DYNC1I1: variants seen among roughly 807,000 people sequenced by gnomAD.
DYNC1I1 encodes cytoplasmic dynein 1 intermediate chain 1.
Under a neutral mutation model 86.6 loss-of-function variants are expected in DYNC1I1, and 43 were observed. The ratio of observed to expected loss-of-function variants is 0.50; its 90% CI spans 0.39 to 0.64. The LOEUF (loss-of-function observed/expected upper bound fraction) is 0.64, where lower values mean the gene tolerates loss of function less well. DYNC1I1 is among the 30% of genes least tolerant of loss of function. The pLI, the probability that DYNC1I1 is intolerant of heterozygous loss-of-function variation, is 0.00. For missense variants in DYNC1I1, 604 were observed against 788.8 expected, an observed-to-expected ratio of 0.77 and a Z score of 2.81; for synonymous variants, 262 against 283.7, an observed-to-expected ratio of 0.92 and a Z score of 0.77.
At chr7:95,928,935 T>C (rs917093421) in intron 6 of DYNC1I1, among the ~76,000 whole-genome samples, 1 of 152,160 alleles carries the variant, frequency 6.6e-6, no homozygotes, top group African/African-American at 2.4e-5. Context: ...CCTGGCTTCT[T>C]TCCTTTCTCC....
At chr7:96,039,494 G>A in intron 14 of DYNC1I1, 73 bp downstream of exon 14, 5 of 1,597,932 alleles carry the variant, frequency 3.1e-6, no homozygotes, top group Non-Finnish European at 4.3e-6. Context: ...CCTGGAAACA[G>A]TTGTCCCTAA....
At chr7:95,875,036 T>C (rs918562369) in intron 6 of DYNC1I1, among the ~76,000 whole-genome samples, 7 of 152,174 alleles carry the variant, frequency 4.6e-5, no homozygotes, top group African/African-American at 1.7e-4. Context: ...TCTCTCTGCC[T>C]CTTGACAGTG....
At chr7:96,040,103 A>G (rs2116041704) in intron 14 of DYNC1I1, among the ~76,000 whole-genome samples, 1 of 152,056 alleles carries the variant, frequency 6.6e-6, no homozygotes, top group East Asian at 1.9e-4. Context: ...ATATGGTGGT[A>G]CATGCCTGTA....
chr7:95,836,484 C>A (rs978948867), intron 5 of DYNC1I1, among the ~76,000 whole-genome samples: 3 of 151,566 alleles, frequency 2.0e-5, no homozygotes, highest in Admixed American at 2.0e-4. Flanking sequence ...TTGTGGCGTT[C>A]TTTGTATTTC....
At chr7:95,872,323 A>T (rs1275672461) in intron 6 of DYNC1I1, among the ~76,000 whole-genome samples, 4 of 152,174 alleles carry the variant, frequency 2.6e-5, no homozygotes, top group African/African-American at 9.7e-5. Context: ...TATAACATCC[A>T]CTTTGGCTTG....
chr7:95,981,151 T>TA (rs775551015), intron 7 of DYNC1I1, among the ~76,000 whole-genome samples: 28 of 152,146 alleles, frequency 1.8e-4, no homozygotes, highest in East Asian at 1.7e-3. Context: ...AATGAGATAC[T>TA]AAAAAACTCA....
At chr7:95,780,631 A>C (rs1314916896) in intron 1 of DYNC1I1, among the ~76,000 whole-genome samples, 1 of 152,024 alleles carries the variant, frequency 6.6e-6, no homozygotes, top group Non-Finnish European at 1.5e-5. Flanking sequence ...CTGAAATAGT[A>C]CCCATTTCTT....
chr7:96,092,093 A>G (rs1465697503), intron 16 of DYNC1I1, among the ~76,000 whole-genome samples: 1 of 152,214 alleles, frequency 6.6e-6, no homozygotes, highest in Non-Finnish European at 1.5e-5. Context: ...CCCGTTCATG[A>G]AAGTTAGCTA....
intron 6 of DYNC1I1, among the ~76,000 whole-genome samples, chr7:95,877,167 G>GC (rs2116203808): frequency 6.6e-6 from 1 of 152,234 alleles, no homozygotes; most frequent in Non-Finnish European, 1.5e-5. Flanking sequence ...CAAGACATTA[G>GC]CATTTCTCAT....
chr7:95,993,657 G>A (rs1312174392), intron 9 of DYNC1I1, among the ~76,000 whole-genome samples: 3 of 152,142 alleles, frequency 2.0e-5, no homozygotes, highest in Non-Finnish European at 4.4e-5. Context: ...CCACATACAT[G>A]TGTGTCACTG....
At chr7:96,073,361 A>T (rs1225308662) in intron 14 of DYNC1I1, among the ~76,000 whole-genome samples, 1 of 152,216 alleles carries the variant, frequency 6.6e-6, no homozygotes, top group Non-Finnish European at 1.5e-5. Context: ...TTATTTCCAG[A>T]TACTTAAAAT....
At chr7:95,973,706 G>A (rs547656344) in intron 6 of DYNC1I1, among the ~76,000 whole-genome samples, 16 of 152,180 alleles carry the variant, frequency 1.1e-4, no homozygotes, top group Middle Eastern at 6.8e-3. Flanking sequence ...CAATAAGCTC[G>A]TAGTGGCATT....
chr7:95,871,578 T>C (rs758778424), intron 6 of DYNC1I1, among the ~76,000 whole-genome samples: 3 of 152,204 alleles, frequency 2.0e-5, no homozygotes, highest in Non-Finnish European at 4.4e-5. Flanking sequence ...AGCATAAAGT[T>C]ATACAACTGA....
At chr7:95,997,582 C>CG (rs35287832) in intron 10 of DYNC1I1, among the ~76,000 whole-genome samples, 43,199 of 117,026 alleles carry the variant, frequency 0.37, 7,214 homozygotes, top group Middle Eastern at 0.5. Flanking sequence ...AAAGGGCATT[C>CG]TTGTGTGTGT....
chr7:96,097,086 G>C (rs12667039), intron 16 of DYNC1I1, among the ~76,000 whole-genome samples: 4,594 of 152,058 alleles, frequency 0.03, 222 homozygotes, highest in East Asian at 0.23. Flanking sequence ...TAATACCATT[G>C]ACTAGGAATA....
chr7:95,820,256 G>A (rs181504568), intron 4 of DYNC1I1, among the ~76,000 whole-genome samples: 1 of 152,288 alleles, frequency 6.6e-6, no homozygotes, highest in East Asian at 1.9e-4. Flanking sequence ...GGAAAAAATT[G>A]AGGCCAGGAA....
chr7:95,864,239 C>G (rs1375677522), intron 5 of DYNC1I1, among the ~76,000 whole-genome samples: 1 of 152,132 alleles, frequency 6.6e-6, no homozygotes, highest in East Asian at 1.9e-4. Context: ...GGAATGGGGA[C>G]AGTGATTCAT....
Position 95,959,139 on chromosome 7 carries a change from G to A in DYNC1I1, c.491-18373G>A, listed in dbSNP as rs536781197. 8.5e-5 allele frequency among the ~76,000 whole-genome samples: 13 copies of A among 152,248 alleles called. No homozygotes were observed. In the South Asian group the frequency reaches 2.7e-3, roughly 32 times the overall value. ...GTACCAAGGCTCAGAGGAAGGAAGTGGCACAATGTGGAGATCTGTGAGAGG... is the reference window on the plus strand; with the variant it reads ...GTACCAAGGCTCAGAGGAAGGAAGTAGCACAATGTGGAGATCTGTGAGAGG... On this transcript the variant is annotated intron_variant, in intron 6 of 16. Coordinates refer to ENST00000447467, the MANE Select transcript of DYNC1I1 (RefSeq NM_001135556.2).
chr7:96,087,391 T>G (rs1790713791), intron 16 of DYNC1I1, among the ~76,000 whole-genome samples: 1 of 152,136 alleles, frequency 6.6e-6, no homozygotes, highest in Admixed American at 6.5e-5. Flanking sequence ...ATGGCTCGGT[T>G]TTTGCAGCCT....
Sources: allele counts gnomAD v4.1 joint callset (sites outside exome capture counted in the v4.1 genomes callset), GRCh38; gene constraint gnomAD v4.1.1; transcripts MANE v1.5; gene names NCBI Gene and HGNC (gene_info 2026-07-23, HGNC 2026-07-21).